The following IFT46 variants were observed in gnomAD, a reference collection of about 807,000 sequenced individuals.
The protein encoded by IFT46 is intraflagellar transport 46, also known as intraflagellar transport protein 46 homolog.
IFT46 carries 19 observed loss-of-function variants against 39.6 expected under a neutral mutation model. That is an observed-to-expected ratio of 0.48 (90% CI 0.33 to 0.70). The LOEUF (loss-of-function observed/expected upper bound fraction) is 0.70. Ranked by LOEUF, IFT46 falls within the 30% of genes least tolerant of loss-of-function variation. IFT46 has a pLI of 0.01. For synonymous variants in IFT46, 117 were observed against 134.8 expected, an observed-to-expected ratio of 0.87 and a Z score of 0.91; for missense variants, 334 against 364.8, an observed-to-expected ratio of 0.92 and a Z score of 0.69.
At chr11:118,551,735 T>C (rs781829576) in intron 9 of IFT46, 51 bp downstream of exon 9, 1 of 1,318,546 alleles carries the variant, frequency 7.6e-7, no homozygotes, top group African/African-American at 1.5e-5. Context: ...CACTGGGCCC[T>C]GGAGCGAATA....
intron 4 of IFT46, 111 bp downstream of exon 4, chr11:118,556,795 A>G (rs1937851224): frequency 1.5e-6 from 2 of 1,306,172 alleles, no homozygotes; most frequent in South Asian, 2.0e-5. Context: ...TCCTAAATAC[A>G]GGAGATCAAA....
chr11:118,549,895 C>T lies in IFT46; in HGVS notation c.672+1891G>A, dbSNP rs1028347410. ...CTCAAACTCCTGGGCTCAAGCAATC[C>T]TCCCATCTCAGCCTCCCACTCCATT... On this transcript the variant is annotated intron_variant, in intron 9 of 11. Transcript: ENST00000264021. 3.4e-5 allele frequency among the ~76,000 whole-genome samples: 5 copies of T among 148,512 alleles called. No individual in the cohort carries two copies. The East Asian group carries it at 8.1e-4, about 24-fold the overall frequency.
upstream of IFT46, among the ~76,000 whole-genome samples, chr11:118,575,903 G>C (rs1231388052): frequency 6.6e-6 from 1 of 151,720 alleles, no homozygotes; most frequent in Non-Finnish European, 1.5e-5. Flanking sequence ...ATAAAATATT[G>C]TTCCAAAGTG....
intron 8 of IFT46, 104 bp downstream of exon 8, chr11:118,552,110 G>A: frequency 1.4e-6 from 2 of 1,392,448 alleles, no homozygotes; most frequent in Admixed American, 2.0e-5. Flanking sequence ...ACCTCAGGTT[G>A]ATCAAATATG....
intron 7 of IFT46, among the ~76,000 whole-genome samples, chr11:118,554,163 G>A (rs1937747787): frequency 6.7e-6 from 1 of 149,674 alleles, no homozygotes; most frequent in Non-Finnish European, 1.5e-5. Context: ...CCATTCTCCT[G>A]TCTCAGCCTC....
chr11:118,572,044 C>A (rs1029704996), intron 1 of IFT46, among the ~76,000 whole-genome samples: 19 of 149,988 alleles, frequency 1.3e-4, no homozygotes, highest in Non-Finnish European at 2.4e-4. Context: ...GAGCCGAGAT[C>A]ACGCCATTGC....
chr11:118,576,628 T>C (rs1233678691), upstream of IFT46, among the ~76,000 whole-genome samples: 1 of 152,116 alleles, frequency 6.6e-6, no homozygotes, highest in African/African-American at 2.4e-5. Flanking sequence ...CAAATGTTAA[T>C]TTAGGATAGG....
chr11:118,574,770 T>A (rs968318533), upstream of IFT46, among the ~76,000 whole-genome samples: 13 of 148,002 alleles, frequency 8.8e-5, no homozygotes, highest in African/African-American at 3.2e-4. Context: ...TTTTTTTTTT[T>A]AAAGAGACAG....
intron 1 of IFT46, 61 bp downstream of exon 1, chr11:118,565,729 G>A (rs1189807266): frequency 1.3e-5 from 2 of 152,638 alleles, no homozygotes; most frequent in African/African-American, 4.8e-5. Context: ...GGGTAAAGGG[G>A]AGTCCTCTTA....
intron 5 of IFT46, 73 bp from the exon 6 acceptor site, chr11:118,555,156 C>G: frequency 6.5e-7 from 1 of 1,532,092 alleles, no homozygotes; most frequent in Non-Finnish European, 9.0e-7. Context: ...AAAAAAAAAT[C>G]TAAGGGGAAT....
intron 10 of IFT46, 94 bp downstream of exon 10, chr11:118,545,699 C>G (rs1951664604): frequency 3.6e-6 from 5 of 1,383,084 alleles, no homozygotes; most frequent in Middle Eastern, 1.8e-4. Context: ...GGCTGAAACT[C>G]AAGATACTAT....
intron 3 of IFT46, among the ~76,000 whole-genome samples, chr11:118,558,406 C>T (rs1319615402): frequency 6.6e-6 from 1 of 152,050 alleles, no homozygotes; most frequent in Non-Finnish European, 1.5e-5. Flanking sequence ...ACCAGCCTGA[C>T]CAACATGGTG....
upstream of IFT46, among the ~76,000 whole-genome samples, chr11:118,568,705 C>A (rs1156870945): frequency 6.6e-6 from 1 of 151,500 alleles, no homozygotes; most frequent in Non-Finnish European, 1.5e-5. Context: ...CTCACTCTGT[C>A]GCCCAGGCTG....
intron 8 of IFT46, 85 bp downstream of exon 8, chr11:118,552,129 C>T (rs1937661958): frequency 6.6e-7 from 1 of 1,518,860 alleles, no homozygotes; most frequent in Non-Finnish European, 9.0e-7. Flanking sequence ...TGTTCCCAGC[C>T]TCTGGGCCTC....
chr11:118,561,113 A>C, intron 2 of IFT46: 1 of 1,508,780 alleles, frequency 6.6e-7, no homozygotes, highest in Non-Finnish European at 9.1e-7. Flanking sequence ...AGGTGCCTTT[A>C]CCTGCTATTT....
upstream of IFT46, among the ~76,000 whole-genome samples, chr11:118,568,071 A>C (rs1389272264): frequency 6.6e-6 from 1 of 152,182 alleles, no homozygotes; most frequent in Non-Finnish European, 1.5e-5. Context: ...TCTGTGGTTT[A>C]ATTCAGCTAC....
intron 2 of IFT46, among the ~76,000 whole-genome samples, chr11:118,562,276 CA>C (rs1163895735): frequency 2.3e-3 from 312 of 137,850 alleles, no homozygotes; most frequent in Middle Eastern, 3.7e-3. Flanking sequence ...GACTCCATCT[CA>C]AAAAAAAAAA....
At chr11:118,575,647 A>G (rs965232105), upstream of IFT46, among the ~76,000 whole-genome samples, 31 of 152,344 alleles carry the variant, frequency 2.0e-4, no homozygotes, top group Admixed American at 1.9e-3. Flanking sequence ...TAATATGACC[A>G]TGAATTGTGT....
intron 2 of IFT46, among the ~76,000 whole-genome samples, chr11:118,564,556 GA>G (rs1298326025): frequency 6.6e-6 from 1 of 151,454 alleles, no homozygotes; most frequent in African/African-American, 2.4e-5. Flanking sequence ...ATAAAATTAA[GA>G]AAAAAAAGTT....
Sources: gnomAD v4.1 joint callset for allele counts (sites outside exome capture counted in the v4.1 genomes callset) on GRCh38, gnomAD v4.1.1 for gene constraint, MANE v1.5 for transcripts, NCBI Gene and HGNC (gene_info 2026-07-23, HGNC 2026-07-21) for gene names.